The following PCSK5 variants were observed in gnomAD, a reference collection of about 807,000 sequenced individuals.
PCSK5 encodes proprotein convertase subtilisin/kexin type 5.
Under a neutral mutation model 233.2 loss-of-function variants are expected in PCSK5, and 129 were observed. The observed-to-expected ratio is 0.55, with a 90% CI of 0.48 to 0.64. PCSK5 has a LOEUF of 0.64. Among genes scored for constraint, PCSK5 ranks in the 30% least tolerant of loss-of-function variants. The pLI is 0.00. For synonymous variants in PCSK5, 825 were observed against 879.2 expected (o/e 0.94, Z 1.09); for missense variants, 2,076 against 2,430.1 (o/e 0.85, Z 3.06).
At chr9:76,133,714 C>T (rs1028145223) in intron 9 of PCSK5, among the ~76,000 whole-genome samples, 9 of 151,972 alleles carry the variant, frequency 5.9e-5, no homozygotes, top group African/African-American at 1.4e-4. Flanking sequence ...AAAGAAGAAA[C>T]GTTTCAGAGG....
chr9:76,149,359 T>C (rs1255164437), intron 10 of PCSK5, among the ~76,000 whole-genome samples: 2 of 152,176 alleles, frequency 1.3e-5, no homozygotes, highest in Non-Finnish European at 1.5e-5. Flanking sequence ...ATCTTTGTAA[T>C]TACTATTAAC....
chr9:76,342,891 A>G (rs751573266), intron 35 of PCSK5, among the ~76,000 whole-genome samples: 1 of 151,928 alleles, frequency 6.6e-6, no homozygotes, highest in Non-Finnish European at 1.5e-5. Context: ...CCCACATTCA[A>G]TTTGTTCCCA....
chr9:76,362,614 G>A lies in PCSK5; in HGVS notation c.*3692G>A, dbSNP rs59992785. On this transcript the variant is annotated 3_prime_UTR_variant, in exon 38 of 38. Coordinates refer to ENST00000674117, the MANE Select transcript of PCSK5 (RefSeq NM_001372043.1). ...TGCCCAATTTCTGCCTCCAAAGAAAGAAGAAGTAAAAACTAAAAGGCAAAA... is the reference window on the plus strand; with the variant it reads ...TGCCCAATTTCTGCCTCCAAAGAAAAAAGAAGTAAAAACTAAAAGGCAAAA... 2.0e-5 allele frequency among the ~76,000 whole-genome samples: 3 copies of A among 152,152 alleles called. No homozygotes were observed. The highest frequency in any genetic ancestry group is 6.5e-5 in the Admixed American group (1 of 15,274).
At chr9:76,072,456 A>G (rs528419161) in intron 7 of PCSK5, among the ~76,000 whole-genome samples, 1 of 152,362 alleles carries the variant, frequency 6.6e-6, no homozygotes, top group East Asian at 1.9e-4. Context: ...CTAATGTAAT[A>G]AAATGTCTAT....
chr9:76,285,790 T>C (rs1828043184), intron 24 of PCSK5, among the ~76,000 whole-genome samples: 1 of 150,258 alleles, frequency 6.7e-6, no homozygotes, highest in South Asian at 2.1e-4. Flanking sequence ...AAAAGAAAAA[T>C]AAACATGTGA....
At chr9:75,953,410 T>A (rs563441658) in intron 2 of PCSK5, among the ~76,000 whole-genome samples, 18 of 152,164 alleles carry the variant, frequency 1.2e-4, no homozygotes, top group Admixed American at 2.0e-4. Context: ...CAGGTCAAGT[T>A]GCTTAACAGT....
intron 1 of PCSK5, among the ~76,000 whole-genome samples, chr9:75,903,463 A>G (rs563025665): frequency 6.6e-6 from 1 of 151,280 alleles, no homozygotes; most frequent in African/African-American, 2.4e-5. Context: ...TTAAGATTTG[A>G]ACCTAGTTAA....
chr9:75,988,405 C>A (rs1162371753), intron 3 of PCSK5, among the ~76,000 whole-genome samples: 1 of 151,904 alleles, frequency 6.6e-6, no homozygotes, highest in East Asian at 1.9e-4. Context: ...TCTCTGCCTC[C>A]CAAATAGCTG....
chr9:76,081,672 T>C (rs1184363096), intron 7 of PCSK5, among the ~76,000 whole-genome samples: 1 of 152,172 alleles, frequency 6.6e-6, no homozygotes, highest in Non-Finnish European at 1.5e-5. Flanking sequence ...GTAATTCACC[T>C]AAAGTCATTA....
intron 24 of PCSK5, among the ~76,000 whole-genome samples, chr9:76,249,248 C>A (rs961643491): frequency 6.6e-6 from 1 of 152,078 alleles, no homozygotes; most frequent in Non-Finnish European, 1.5e-5. Flanking sequence ...CAGGACTGCT[C>A]CCCCACAACA....
intron 2 of PCSK5, among the ~76,000 whole-genome samples, chr9:75,961,429 T>A (rs536827547): frequency 6.6e-6 from 1 of 152,364 alleles, no homozygotes; most frequent in Non-Finnish European, 1.5e-5. Flanking sequence ...CAAATCTGAC[T>A]CCTGAATATG....
intron 7 of PCSK5, among the ~76,000 whole-genome samples, chr9:76,079,842 G>A (rs755613561): frequency 2.6e-5 from 4 of 152,088 alleles, no homozygotes; most frequent in Non-Finnish European, 4.4e-5. Context: ...AAGTTCCTTT[G>A]ATGCCTAGTC....
At chr9:76,164,177 G>A (rs1822995639) in intron 12 of PCSK5, among the ~76,000 whole-genome samples, 1 of 152,106 alleles carries the variant, frequency 6.6e-6, no homozygotes, top group African/African-American at 2.4e-5. Context: ...AGGCATCATG[G>A]TATATAAATG....
intron 1 of PCSK5, among the ~76,000 whole-genome samples, chr9:75,900,159 C>G (rs965563752): frequency 2.0e-5 from 3 of 152,146 alleles, no homozygotes; most frequent in Non-Finnish European, 4.4e-5. Flanking sequence ...TAGTTAGGAT[C>G]ATAGGTTTAG....
Position 76,168,232 on chromosome 9 carries a change from A to T in PCSK5, c.1620-1472A>T, listed in dbSNP as rs187104059. Among the ~76,000 whole-genome samples, 420 of 152,184 alleles carry T rather than the reference A, an allele frequency of 2.8e-3. 1 individual carries two copies. The highest frequency in any genetic ancestry group is 4.6e-3 in the Non-Finnish European group (316 of 67,994). The stretch of plus-strand genomic sequence containing the variant: ...AGTGGCATGATCTAGGCTCACTGCA[A>T]CCTCTGCTTCCTGGGTTCAAGGGAT... On this transcript the variant is annotated intron_variant, in intron 12 of 37. Coordinates refer to ENST00000674117, the MANE Select transcript of PCSK5 (RefSeq NM_001372043.1).
intron 9 of PCSK5, among the ~76,000 whole-genome samples, chr9:76,124,635 A>G (rs929799367): frequency 1.3e-5 from 2 of 150,880 alleles, no homozygotes; most frequent in Admixed American, 1.3e-4. Flanking sequence ...GAACCCAGCT[A>G]CTCGGGAGGC....
intron 9 of PCSK5, among the ~76,000 whole-genome samples, chr9:76,125,831 G>A (rs1174903952): frequency 2.0e-5 from 3 of 152,146 alleles, no homozygotes; most frequent in Non-Finnish European, 4.4e-5. Flanking sequence ...GTTCTTTTCC[G>A]AATGGTTGCT....
chr9:76,137,593 G>A (rs1823039010), intron 10 of PCSK5, among the ~76,000 whole-genome samples: 2 of 152,174 alleles, frequency 1.3e-5, no homozygotes, highest in African/African-American at 4.8e-5. Flanking sequence ...TGTTCATCTT[G>A]TGAATAATCC....
chr9:76,023,167 C>T (rs924142995), intron 3 of PCSK5, among the ~76,000 whole-genome samples: 1 of 152,150 alleles, frequency 6.6e-6, no homozygotes, highest in Non-Finnish European at 1.5e-5. Flanking sequence ...ATCCATTTTT[C>T]TGCTGTTGAG....
Sources: gnomAD v4.1 joint callset for allele counts (sites outside exome capture counted in the v4.1 genomes callset) on GRCh38, gnomAD v4.1.1 for gene constraint, MANE v1.5 for transcripts, NCBI Gene and HGNC (gene_info 2026-07-23, HGNC 2026-07-21) for gene names.